Variants in DNAJA4 observed in about 807,000 individuals in gnomAD.
DNAJA4 encodes the protein DnaJ heat shock protein family (Hsp40) member A4.
Under a neutral mutation model 39.7 loss-of-function variants are expected in DNAJA4, and 32 were observed. The observed-to-expected ratio is 0.81, with a 90% CI of 0.61 to 1.08. DNAJA4 has a LOEUF of 1.08. Ranked by LOEUF, DNAJA4 falls within the 50% of genes least tolerant of loss-of-function variation. DNAJA4 has a pLI of 0.00. For synonymous variants in DNAJA4, 184 were observed against 182.4 expected, an observed-to-expected ratio of 1.01 and a Z score of -0.07; for missense variants, 439 against 505.1, an observed-to-expected ratio of 0.87 and a Z score of 1.25.
chr15:78,267,969 G>A (rs1486705626), intron 1 of DNAJA4, among the ~76,000 whole-genome samples: 1 of 152,156 alleles, frequency 6.6e-6, no homozygotes, highest in Non-Finnish European at 1.5e-5. Flanking sequence ...GGAGAAGGGG[G>A]TCCGGGCCGG....
chr15:78,279,801 AT>A lies in DNAJA4; in HGVS notation c.878-243del. On this transcript the variant is annotated intron_variant, in intron 5 of 6. Coordinates refer to ENST00000394852, the MANE Select transcript of DNAJA4 (RefSeq NM_001130182.2). The surrounding 1 kb of genome is among the most constrained non-coding windows in gnomAD (Gnocchi z 4.5). ...ACCTACCTGTGATGGCAGCTGCACC[AT>A]GCTGCCCTCTTGACACACTGCTGGA... 1 of 573,552 alleles carries A rather than the reference AT, an allele frequency of 1.7e-6. No individual in the cohort carries two copies. The highest frequency in any genetic ancestry group is 3.1e-6 in the Non-Finnish European group (1 of 322,450). The allele number at this position is 573,552 out of a possible 1,614,324, so 35.5% of individuals were successfully genotyped here. A position where few individuals can be genotyped will look rare whatever the true frequency, so the allele number is the denominator to read the frequency against.
At chr15:78,270,223 A>G in intron 1 of DNAJA4, 1 of 306,176 alleles carries the variant, frequency 3.3e-6, no homozygotes, top group Non-Finnish European at 6.0e-6. Context: ...GTGCAGCCGG[A>G]TTAGTGAGAA....
intron 1 of DNAJA4, among the ~76,000 whole-genome samples, chr15:78,269,123 G>T (rs1230108383): frequency 6.6e-6 from 1 of 152,224 alleles, no homozygotes; most frequent in Non-Finnish European, 1.5e-5. Context: ...GGAGAGGAAA[G>T]TACAGGTGCC....
chr15:78,266,255 C>T (rs541929187), intron 1 of DNAJA4: 1 of 1,613,998 alleles, frequency 6.2e-7, no homozygotes, highest in African/African-American at 1.3e-5. Flanking sequence ...GTGGGAAAGC[C>T]TGACCCTGGA....
chr15:78,264,553 G>T, upstream of DNAJA4: 1 of 1,223,446 alleles, frequency 8.2e-7, no homozygotes, highest in South Asian at 3.7e-5. Flanking sequence ...CGGAGGAGCC[G>T]GTGGCTCTAG....
rs2049596934 is a variant in DNAJA4 at position 78,279,717 on chromosome 15, G to C, written c.878-328G>C. 2.9e-6 allele frequency: 1 copy of C among 346,146 alleles called. No individual in the cohort carries two copies. The highest frequency in any genetic ancestry group is 2.1e-5 in the African/African-American group (1 of 48,234). The allele number at this position is 346,146 out of a possible 1,614,324, so 21.4% of individuals were successfully genotyped here. ...CACCCCACAAAGAGGCAGGGTGACA[G>C]GTGTTGGCCCCATTTTAGGCAGACT... On this transcript the variant is annotated intron_variant, in intron 5 of 6. Transcript: ENST00000394852. This position sits in a 1 kb window ranked among gnomAD's most constrained non-coding sequence, Gnocchi z 4.5.
rs954428544 is a variant in DNAJA4 at position 78,272,972 on chromosome 15, C to A, written c.314-123C>A. ...GCATTGCTTCCTGCAGGGAAGGGAGCGCATGACCCAGCCACAGTCTTGAGT... is the reference window on the plus strand; with the variant it reads ...GCATTGCTTCCTGCAGGGAAGGGAGAGCATGACCCAGCCACAGTCTTGAGT... On this transcript the variant is annotated intron_variant, in intron 2 of 6. Coordinates refer to ENST00000394852, the MANE Select transcript of DNAJA4 (RefSeq NM_001130182.2). 9 of 678,880 alleles carry A rather than the reference C, an allele frequency of 1.3e-5. No homozygotes were observed. In the African/African-American group the frequency reaches 1.6e-4, roughly 12 times the overall value. The allele number at this position is 678,880 out of a possible 1,614,324, so 42.1% of individuals were successfully genotyped here.
intron 1 of DNAJA4, among the ~76,000 whole-genome samples, chr15:78,268,564 C>CT (rs1017132705): frequency 1.2e-4 from 19 of 152,248 alleles, no homozygotes; most frequent in Admixed American, 6.5e-4. Flanking sequence ...TTTCATGGCA[C>CT]TTTTTTTCCC....
At chr15:78,274,775 GT>G in intron 4 of DNAJA4, 1 of 336,592 alleles carries the variant, frequency 3.0e-6, no homozygotes, top group South Asian at 2.8e-5. Flanking sequence ...TGTCTTCCTG[GT>G]CGCTTCTGAT....
At chr15:78,266,094 A>G (rs1338309523) in intron 1 of DNAJA4, 2 of 689,234 alleles carry the variant, frequency 2.9e-6, no homozygotes, top group Non-Finnish European at 4.9e-6. Flanking sequence ...TAGATGGCTT[A>G]CTGTAGCTTT....
chr15:78,264,378 C>T (rs1000642448), upstream of DNAJA4: 1 of 1,441,626 alleles, frequency 6.9e-7, no homozygotes, highest in South Asian at 1.4e-5. Flanking sequence ...AAGGAGCAGA[C>T]GCCCGAGAAG....
intron 4 of DNAJA4, chr15:78,274,804 G>T: frequency 3.4e-6 from 1 of 289,906 alleles, no homozygotes; most frequent in South Asian, 3.7e-5. Context: ...GGCCATAAGG[G>T]CTTGTGTAAG....
At position 78,264,844 on chromosome 15, in the gene DNAJA4, GAAGCTGGCGCTC is replaced by G; in HGVS notation, c.85_96del (p.Leu29_Lys32del). 6.2e-7 allele frequency: 1 copy of G among 1,609,784 alleles called. No homozygotes were observed. The highest frequency in any genetic ancestry group is 1.1e-5 in the South Asian group (1 of 90,524). On this transcript the variant is annotated inframe_deletion, in exon 1 of 7. Coordinates refer to ENST00000394852, the MANE Select transcript of DNAJA4 (RefSeq NM_001130182.2). ...CGGAGGAGATCAAGAAGGCCTATCG[GAAGCTGGCGCTC>G]AAGTACCACCCGGACAAGAACCCGG...
intron 1 of DNAJA4, among the ~76,000 whole-genome samples, chr15:78,268,046 C>G (rs563869438): frequency 1.6e-4 from 25 of 152,278 alleles, no homozygotes; most frequent in African/African-American, 5.8e-4. Context: ...GTTGGAACCC[C>G]CATCCCATGT....
chr15:78,264,669 C>CGGCGGG lies in DNAJA4; in HGVS notation c.-90_-85dup. On this transcript the variant is annotated 5_prime_UTR_variant, in exon 1 of 7. Transcript: ENST00000394852. ...ACCGTGACCGTGACGCGCGAGCGGG[C>CGGCGGG]GGCGGGGGCGCGGGCCAGGGGCGCG... The CGGCGGG allele has an allele frequency of 9.8e-7, 1 of 1,017,320 alleles. No homozygotes were observed. Among genetic ancestry groups the CGGCGGG allele is most frequent in the Non-Finnish European group, 1.2e-6 (1 of 850,120 alleles). 63.0% of individuals were successfully genotyped at this position (1,017,320 alleles called of 1,614,324 possible).
At position 78,273,162 on chromosome 15, in the gene DNAJA4, G is replaced by T. The variant is rs530183900; in HGVS notation, c.381G>T (p.Leu127Phe). 6.2e-7 allele frequency: 1 copy of T among 1,604,862 alleles called. No individual in the cohort carries two copies. Among genetic ancestry groups the T allele is most frequent in the Admixed American group, 1.7e-5 (1 of 59,918 alleles). The change falls in exon 3 of 7, where the codon TTG (leucine) becomes TTT (phenylalanine). Residue 127 changes from leucine to phenylalanine, a missense_variant. Physicochemically the swap from Leu to Phe is conservative, Grantham distance 22. Coordinates refer to ENST00000394852, the MANE Select transcript of DNAJA4 (RefSeq NM_001130182.2). ...EDLYNGVTKK[L>F]ALQKNVICEK... ...TATATAATGGAGTCACGAAGAAATTGGCCCTCCAGAAAAATGTAATTTGTG... is the reference window on the plus strand; with the variant it reads ...TATATAATGGAGTCACGAAGAAATTTGCCCTCCAGAAAAATGTAATTTGTG...
chr15:78,264,673 GGGGGCGCGGGCCA>G lies in DNAJA4; in HGVS notation c.-74_-62del, dbSNP rs1195702365. On this transcript the variant is annotated 5_prime_UTR_variant, in exon 1 of 7. Coordinates refer to ENST00000394852, the MANE Select transcript of DNAJA4 (RefSeq NM_001130182.2). ...TGACCGTGACGCGCGAGCGGGCGGC[GGGGGCGCGGGCCA>G]GGGGCGCGGGCCAGGGTGCCGGCAG... 1.1e-3 allele frequency: 1,161 copies of G among 1,025,152 alleles called. 1 individual carries two copies. In the South Asian group the frequency reaches 0.012, roughly 11 times the overall value. The allele number at this position is 1,025,152 out of a possible 1,614,324, so 63.5% of individuals were successfully genotyped here.
chr15:78,271,218 G>C (rs560818438), intron 2 of DNAJA4, among the ~76,000 whole-genome samples: 1 of 152,352 alleles, frequency 6.6e-6, no homozygotes, highest in Non-Finnish European at 1.5e-5. Flanking sequence ...GTAGCGAATG[G>C]AGTGGTGGAT....
intron 1 of DNAJA4, among the ~76,000 whole-genome samples, chr15:78,267,642 C>A (rs2141431294): frequency 6.6e-6 from 1 of 152,128 alleles, no homozygotes; most frequent in African/African-American, 2.4e-5. Context: ...AATAGACTTT[C>A]AAGTTCAAAA....
Sources: allele counts gnomAD v4.1 joint callset (sites outside exome capture counted in the v4.1 genomes callset), GRCh38; gene constraint gnomAD v4.1.1; non-coding constraint Gnocchi (gnomAD v3.1); transcripts MANE v1.5; gene names NCBI Gene and HGNC (gene_info 2026-07-23, HGNC 2026-07-21).